Variants in RBFOX1 observed in about 807,000 individuals in gnomAD.
RBFOX1 encodes RNA binding fox-1 homolog 1, also known as RNA binding protein fox-1 homolog 1.
A neutral mutation model predicts 57.7 loss-of-function variants in RBFOX1; 8 were observed. The ratio of observed to expected loss-of-function variants is 0.14; its 90% CI spans 0.08 to 0.25. RBFOX1 has a LOEUF of 0.25. RBFOX1 is among the 10% of genes least tolerant of loss of function. The pLI, the probability that RBFOX1 is intolerant of heterozygous loss-of-function variation, is 1.00. For missense variants in RBFOX1, 611 were observed against 548.5 expected (o/e 1.11, Z -1.14); for synonymous variants, 326 against 222.4 (o/e 1.47, Z -4.15).
At chr16:6,904,181 T>C (rs980202939) in intron 3 of RBFOX1, among the ~76,000 whole-genome samples, 26 of 152,202 alleles carry the variant, frequency 1.7e-4, no homozygotes, top group African/African-American at 6.0e-4. Context: ...TGTGTGTGTA[T>C]GTAAACACCA....
intron 4 of RBFOX1, among the ~76,000 whole-genome samples, chr16:7,380,230 C>T (rs772912809): frequency 6.6e-6 from 1 of 152,112 alleles, no homozygotes; most frequent in Non-Finnish European, 1.5e-5. Flanking sequence ...CAGAAATGCT[C>T]AGAGTTTAGA....
intron 2 of RBFOX1, among the ~76,000 whole-genome samples, chr16:6,650,594 G>A (rs1253805362): frequency 2.6e-5 from 4 of 152,188 alleles, no homozygotes; most frequent in African/African-American, 7.2e-5. Context: ...TTCCTGGCAC[G>A]AAAGAGGTAT....
At chr16:7,438,244 T>G (rs1389346187) in intron 4 of RBFOX1, among the ~76,000 whole-genome samples, 1 of 152,160 alleles carries the variant, frequency 6.6e-6, no homozygotes, top group Non-Finnish European at 1.5e-5. Flanking sequence ...CTCTCTCTAT[T>G]AAGATGCTGA....
At position 7,597,390 on chromosome 16, in the gene RBFOX1, G is replaced by A; in HGVS notation, c.581G>A (p.Arg194His). ...RKIEVNNATARVMTNKKTVNP... is the reference protein window; with the variant it reads ...RKIEVNNATAHVMTNKKTVNP... ...ACATAGGTAAATAATGCCACAGCAC[G>A]TGTAATGACAAATAAAAAGACCGTC... Residue 194 changes from arginine (R) to histidine (H), a missense_variant, in exon 9 of 16, where the codon CGT becomes CAT. Arg to His is a conservative substitution (Grantham distance 29, BLOSUM62 0). This residue lies in a region of RBFOX1 where 99 missense variants were observed against 160.3 expected (regional missense o/e 0.62). Transcript: ENST00000550418. 2 of 1,611,054 alleles carry A rather than the reference G, an allele frequency of 1.2e-6. No individual in the cohort carries two copies. The highest frequency in any genetic ancestry group is 1.7e-6 in the Non-Finnish European group (2 of 1,178,386).
intron 3 of RBFOX1, among the ~76,000 whole-genome samples, chr16:5,650,180 C>G (rs540581226): frequency 1.3e-5 from 2 of 152,192 alleles, no homozygotes; most frequent in Non-Finnish European, 1.5e-5. Flanking sequence ...GTGAAATAGT[C>G]GTAAGACGAG....
chr16:6,820,038 A>G (rs766455529), intron 3 of RBFOX1, among the ~76,000 whole-genome samples: 34 of 152,162 alleles, frequency 2.2e-4, no homozygotes, highest in Non-Finnish European at 4.9e-4. Context: ...GAGGCACCCA[A>G]TAGGAAGTAA....
At chr16:6,414,937 A>G (rs2093579075) in intron 2 of RBFOX1, among the ~76,000 whole-genome samples, 1 of 152,082 alleles carries the variant, frequency 6.6e-6, no homozygotes, top group Admixed American at 6.6e-5. Context: ...ACCGGTCCCA[A>G]TATCAATACT....
chr16:7,647,402 C>A (rs141401848), intron 11 of RBFOX1, among the ~76,000 whole-genome samples: 1 of 152,184 alleles, frequency 6.6e-6, no homozygotes, highest in Non-Finnish European at 1.5e-5. Flanking sequence ...GGAATCTCTT[C>A]AGTATAATGA....
rs180786084 is a variant in RBFOX1 at position 7,508,021 on chromosome 16, C to G, written c.28-10126C>G. On this transcript the variant is annotated intron_variant, in intron 4 of 15. Transcript: ENST00000550418. Reference sequence around the variant, plus strand: ...TTTCTTTTTGAGATGGAGTCTCACCCTATCACCCAGGCTGGAGTGCAGTGA... The same window carrying G: ...TTTCTTTTTGAGATGGAGTCTCACCGTATCACCCAGGCTGGAGTGCAGTGA... Among the ~76,000 whole-genome samples, 754 of 148,946 alleles carry G rather than the reference C, an allele frequency of 5.1e-3. 7 individuals are homozygous for G. The highest frequency in any genetic ancestry group is 0.018 in the African/African-American group (721 of 40,422).
intron 4 of RBFOX1, among the ~76,000 whole-genome samples, chr16:7,203,387 G>A (rs1171992190): frequency 2.0e-5 from 3 of 152,154 alleles, no homozygotes; most frequent in Non-Finnish European, 4.4e-5. Flanking sequence ...GGAAGGTAGG[G>A]GAAAGGACAG....
chr16:5,907,787 A>C (rs893558597), intron 4 of RBFOX1, among the ~76,000 whole-genome samples: 1 of 151,268 alleles, frequency 6.6e-6, no homozygotes, highest in Non-Finnish European at 1.5e-5. Context: ...TCTTTTCTCT[A>C]TTGCCCAGGC....
chr16:6,340,837 G>A (rs1184614249), intron 2 of RBFOX1, among the ~76,000 whole-genome samples: 1 of 152,172 alleles, frequency 6.6e-6, no homozygotes, highest in Non-Finnish European at 1.5e-5. Context: ...TCAATATGGA[G>A]TTGCCCTTGT....
intron 11 of RBFOX1, among the ~76,000 whole-genome samples, chr16:7,650,883 C>T (rs2064904055): frequency 6.6e-6 from 1 of 152,164 alleles, no homozygotes; most frequent in African/African-American, 2.4e-5. Context: ...AGTCCTGAAG[C>T]AAGCGTCTCA....
At chr16:5,756,483 T>G (rs1219251702) in intron 3 of RBFOX1, among the ~76,000 whole-genome samples, 1 of 152,168 alleles carries the variant, frequency 6.6e-6, no homozygotes, top group African/African-American at 2.4e-5. Context: ...ATGCCCAGGC[T>G]GGTTTCTTAC....
At chr16:5,334,957 C>G (rs985685140) in intron 1 of RBFOX1, among the ~76,000 whole-genome samples, 1 of 152,052 alleles carries the variant, frequency 6.6e-6, no homozygotes, top group Non-Finnish European at 1.5e-5. Flanking sequence ...TTTAAATCTT[C>G]TTGTAGTATA....
intron 1 of RBFOX1, among the ~76,000 whole-genome samples, chr16:6,035,319 A>T (rs2095351492): frequency 6.6e-6 from 1 of 152,182 alleles, no homozygotes; most frequent in African/African-American, 2.4e-5. Context: ...CAGCCAAGGG[A>T]CACTCATTTA....
At chr16:5,931,854 C>T (rs900109636) in intron 4 of RBFOX1, among the ~76,000 whole-genome samples, 1 of 152,188 alleles carries the variant, frequency 6.6e-6, no homozygotes, top group African/African-American at 2.4e-5. Flanking sequence ...GTCTCCCAGG[C>T]TGGAGTACAG....
At chr16:7,158,039 T>C (rs533322106) in intron 4 of RBFOX1, among the ~76,000 whole-genome samples, 1 of 152,244 alleles carries the variant, frequency 6.6e-6, no homozygotes, top group Admixed American at 6.5e-5. Context: ...GTTTATCCAA[T>C]AGTAACATCT....
chr16:5,783,584 G>A (rs1474917065), intron 3 of RBFOX1, among the ~76,000 whole-genome samples: 1 of 152,114 alleles, frequency 6.6e-6, no homozygotes, highest in Non-Finnish European at 1.5e-5. Context: ...ACCCATTCAT[G>A]CTCATATTTT....
Sources: allele counts gnomAD v4.1 joint callset (sites outside exome capture counted in the v4.1 genomes callset), GRCh38; gene constraint gnomAD v4.1.1; regional missense constraint gnomAD v4.1.1; transcripts MANE v1.5; gene names NCBI Gene and HGNC (gene_info 2026-07-23, HGNC 2026-07-21).